Variants in CRADD observed in about 807,000 individuals in gnomAD.
CRADD encodes death domain-containing protein CRADD.
Under a neutral mutation model 15.5 loss-of-function variants are expected in CRADD, and 9 were observed. The ratio of observed to expected loss-of-function variants is 0.58; its 90% CI spans 0.35 to 1.01. CRADD has a LOEUF of 1.01. Ranked by LOEUF, CRADD falls within the 50% of genes least tolerant of loss-of-function variation. The probability of loss-of-function intolerance (pLI) is 0.02; values close to 1 mark genes in which losing one functional copy is unlikely to be tolerated. For missense variants in CRADD, 227 were observed against 250.3 expected (o/e 0.91, Z 0.63); for synonymous variants, 118 against 107.6 (o/e 1.10, Z -0.60).
rs1220988856 is a variant in CRADD at position 93,824,223 on chromosome 12, A to G, written c.299-25747A>G. Among the ~76,000 whole-genome samples the G allele has an allele frequency of 6.6e-6, 1 of 152,158 alleles. No homozygotes were observed. The highest frequency in any genetic ancestry group is 1.5e-5 in the Non-Finnish European group (1 of 68,034). Reference sequence around the variant, plus strand: ...TAGGACACACCCCGGTCTCATTTTCAGTGTCTCAGCATACTTTCCAATGCT... The same window carrying G: ...TAGGACACACCCCGGTCTCATTTTCGGTGTCTCAGCATACTTTCCAATGCT... On this transcript the variant is annotated intron_variant, in intron 2 of 2. Coordinates refer to ENST00000332896, the MANE Select transcript of CRADD (RefSeq NM_003805.5). The surrounding 1 kb of genome is among the most constrained non-coding windows in gnomAD (Gnocchi z 4.3).
chr12:93,796,356 G>C (rs1040423134), intron 2 of CRADD, among the ~76,000 whole-genome samples: 3 of 152,068 alleles, frequency 2.0e-5, no homozygotes, highest in Non-Finnish European at 4.4e-5. Context: ...TGTAAACCCA[G>C]CAATTTGGGA....
chr12:93,696,622 TAGTTAGAC>T (rs888593738), intron 2 of CRADD, among the ~76,000 whole-genome samples: 3 of 151,212 alleles, frequency 2.0e-5, no homozygotes, highest in African/African-American at 7.4e-5. Flanking sequence ...ATGCAAAGGT[TAGTTAGAC>T]AGGAGAAATA....
intron 2 of CRADD, among the ~76,000 whole-genome samples, chr12:93,680,229 C>A (rs1038922590): frequency 6.6e-6 from 1 of 151,850 alleles, no homozygotes; most frequent in Non-Finnish European, 1.5e-5. Context: ...AGTTGGCTTG[C>A]AAATTTTTAA....
intron 2 of CRADD, among the ~76,000 whole-genome samples, chr12:93,684,700 G>A (rs1379910141): frequency 6.6e-6 from 1 of 152,180 alleles, no homozygotes; most frequent in African/African-American, 2.4e-5. Context: ...GAAGAGAAGC[G>A]GTATGTGTGG....
chr12:93,848,208 C>T (rs1314521899), intron 2 of CRADD, among the ~76,000 whole-genome samples: 1 of 151,806 alleles, frequency 6.6e-6, no homozygotes, highest in Non-Finnish European at 1.5e-5. Flanking sequence ...TGCTGTTAAT[C>T]TCAACTATTG....
chr12:93,846,007 A>G (rs1487216148), intron 2 of CRADD, among the ~76,000 whole-genome samples: 1 of 152,042 alleles, frequency 6.6e-6, no homozygotes, highest in Non-Finnish European at 1.5e-5. Context: ...GACAACTCCA[A>G]GTACCTCATA....
At chr12:93,797,445 A>T (rs926372303) in intron 2 of CRADD, among the ~76,000 whole-genome samples, 1 of 152,174 alleles carries the variant, frequency 6.6e-6, no homozygotes, top group Non-Finnish European at 1.5e-5. Flanking sequence ...AGTCATGGGA[A>T]AGGGAGCCCA....
intron 2 of CRADD, among the ~76,000 whole-genome samples, chr12:93,797,504 C>G (rs909448792): frequency 2.0e-5 from 3 of 152,042 alleles, no homozygotes; most frequent in African/African-American, 7.2e-5. Flanking sequence ...AATGTTAAGA[C>G]GGGTTTTGGG....
intron 2 of CRADD, among the ~76,000 whole-genome samples, chr12:93,882,706 A>G (rs371579187): frequency 9.2e-5 from 14 of 152,162 alleles, no homozygotes; most frequent in Admixed American, 7.2e-4. Flanking sequence ...TTCAATACCT[A>G]TACATAAATC....
chr12:93,737,544 C>T (rs1192097434), intron 2 of CRADD, among the ~76,000 whole-genome samples: 1 of 152,206 alleles, frequency 6.6e-6, no homozygotes, highest in Admixed American at 6.5e-5. Flanking sequence ...TTGTATGGAA[C>T]TCTGCTCCCT....
intron 2 of CRADD, among the ~76,000 whole-genome samples, chr12:93,783,102 C>G (rs1957229970): frequency 6.6e-6 from 1 of 152,070 alleles, no homozygotes. Context: ...CACTGCTACT[C>G]CCTCCTTTTT....
chr12:93,709,464 C>A (rs926766424), intron 2 of CRADD, among the ~76,000 whole-genome samples: 2 of 152,142 alleles, frequency 1.3e-5, no homozygotes, highest in Non-Finnish European at 2.9e-5. Flanking sequence ...TCTTTGTATT[C>A]ATATGTTCTT....
intron 2 of CRADD, among the ~76,000 whole-genome samples, chr12:93,786,564 G>T (rs577603294): frequency 3.3e-5 from 5 of 152,222 alleles, no homozygotes; most frequent in African/African-American, 1.2e-4. Context: ...AGATGCCAGC[G>T]CTTCTTTATA....
At chr12:93,784,551 T>C (rs767718229) in intron 2 of CRADD, among the ~76,000 whole-genome samples, 29 of 152,072 alleles carry the variant, frequency 1.9e-4, no homozygotes, top group Non-Finnish European at 3.7e-4. Context: ...TCCACAGCTG[T>C]CATGGTTTGG....
chr12:93,731,004 C>T (rs986120715), intron 2 of CRADD, among the ~76,000 whole-genome samples: 1 of 152,138 alleles, frequency 6.6e-6, no homozygotes, highest in African/African-American at 2.4e-5. Context: ...AGGTGTGAGC[C>T]ACTGCACCCG....
At chr12:93,819,139 C>G (rs879393140) in intron 2 of CRADD, among the ~76,000 whole-genome samples, 1 of 152,244 alleles carries the variant, frequency 6.6e-6, no homozygotes. Context: ...CTACTTGGCC[C>G]GCCCTGTCCG....
intron 2 of CRADD, among the ~76,000 whole-genome samples, chr12:93,841,819 C>A: frequency 6.6e-6 from 1 of 152,146 alleles, no homozygotes; most frequent in East Asian, 1.9e-4. Flanking sequence ...ACGGGACAGT[C>A]TCTTCGCTCA....
intron 2 of CRADD, among the ~76,000 whole-genome samples, chr12:93,684,607 G>A (rs943694433): frequency 2.0e-5 from 3 of 152,148 alleles, no homozygotes; most frequent in Non-Finnish European, 2.9e-5. Flanking sequence ...GGAGTTCAAT[G>A]TATTCTAGTA....
At chr12:93,679,234 T>G (rs1163963923) in intron 2 of CRADD, among the ~76,000 whole-genome samples, 162 bp downstream of exon 2, 1 of 151,376 alleles carries the variant, frequency 6.6e-6, no homozygotes, top group Non-Finnish European at 1.5e-5. Flanking sequence ...CTCTGCTTCC[T>G]GGGTTCAAGC....
Sources: gnomAD v4.1 joint callset for allele counts (sites outside exome capture counted in the v4.1 genomes callset) on GRCh38, gnomAD v4.1.1 for gene constraint, Gnocchi (gnomAD v3.1) non-coding constraint, MANE v1.5 for transcripts, NCBI Gene and HGNC (gene_info 2026-07-23, HGNC 2026-07-21) for gene names.